The following LIN52 variants were observed in gnomAD, a reference collection of about 807,000 sequenced individuals.
LIN52 encodes lin-52 DREAM MuvB core complex component, also known as protein lin-52 homolog.
In LIN52, 4 loss-of-function variants were observed where a neutral mutation model predicts 18.5. That is an observed-to-expected ratio of 0.22 (90% CI 0.11 to 0.49). The LOEUF (loss-of-function observed/expected upper bound fraction) is 0.49. Among genes scored for constraint, LIN52 ranks in the 20% least tolerant of loss-of-function variants. The probability of loss-of-function intolerance (pLI) is 0.97; values close to 1 mark genes in which losing one functional copy is unlikely to be tolerated. For synonymous variants in LIN52, 34 were observed against 45.5 expected (o/e 0.75, Z 1.02); for missense variants, 102 against 139.5 (o/e 0.73, Z 1.35).
At chr14:74,187,502 G>C (rs1431415639) in intron 5 of LIN52, among the ~76,000 whole-genome samples, 1 of 152,088 alleles carries the variant, frequency 6.6e-6, no homozygotes, top group African/African-American at 2.4e-5. Flanking sequence ...GAAAATAGAG[G>C]AATATGCCTT....
chr14:74,139,580 T>C (rs936151187), intron 5 of LIN52, among the ~76,000 whole-genome samples: 4 of 152,142 alleles, frequency 2.6e-5, no homozygotes, highest in African/African-American at 7.2e-5. Context: ...AGTAAATAAA[T>C]ATTAGAAAAT....
At chr14:74,087,736 T>C (rs2060743852) in intron 1 of LIN52, among the ~76,000 whole-genome samples, 1 of 152,196 alleles carries the variant, frequency 6.6e-6, no homozygotes, top group African/African-American at 2.4e-5. Flanking sequence ...TACTCTTTTG[T>C]CTTTTTCGTG....
chr14:74,189,284 A>G (rs996264089), intron 5 of LIN52, among the ~76,000 whole-genome samples: 7 of 152,220 alleles, frequency 4.6e-5, no homozygotes, highest in African/African-American at 4.8e-5. Context: ...ATGTATTACT[A>G]TGTAAAGGCC....
intron 5 of LIN52, among the ~76,000 whole-genome samples, chr14:74,137,516 T>TTTTTTTTTTTTTTA (rs1332039327): frequency 6.9e-6 from 1 of 144,680 alleles, no homozygotes; most frequent in Non-Finnish European, 1.5e-5. Context: ...TTTTTTTTTT[T>TTTTTTTTTTTTTTA]GAGATGGAGT....
intron 5 of LIN52, among the ~76,000 whole-genome samples, chr14:74,187,093 T>C (rs1020255908): frequency 1.3e-5 from 2 of 152,128 alleles, no homozygotes; most frequent in East Asian, 3.9e-4. Flanking sequence ...GAAAAAAAAG[T>C]AAAAAAGAAG....
intron 5 of LIN52, among the ~76,000 whole-genome samples, chr14:74,122,589 G>T (rs1227050414): frequency 6.6e-6 from 1 of 152,156 alleles, no homozygotes; most frequent in Non-Finnish European, 1.5e-5. Context: ...TACCTGTCCG[G>T]GTGCAGTGGC....
chr14:74,156,717 A>T (rs540645847), intron 5 of LIN52, among the ~76,000 whole-genome samples: 1 of 152,318 alleles, frequency 6.6e-6, no homozygotes, highest in South Asian at 2.1e-4. Context: ...CAGTCACCTT[A>T]CAGTTGTAGA....
intron 5 of LIN52, among the ~76,000 whole-genome samples, chr14:74,124,984 C>G (rs769139963): frequency 6.6e-6 from 1 of 151,960 alleles, no homozygotes; most frequent in Admixed American, 6.6e-5. Flanking sequence ...AAAAGACAAC[C>G]AACAGAATGG....
intron 5 of LIN52, among the ~76,000 whole-genome samples, chr14:74,166,626 T>C (rs1379036986): frequency 1.3e-5 from 2 of 152,230 alleles, no homozygotes; most frequent in Non-Finnish European, 2.9e-5. Flanking sequence ...GAAGCAACTA[T>C]ATTTCTGTCT....
intron 5 of LIN52, among the ~76,000 whole-genome samples, chr14:74,151,779 T>C (rs980368505): frequency 2.6e-5 from 4 of 152,146 alleles, no homozygotes; most frequent in African/African-American, 9.7e-5. Context: ...AACTAATCAG[T>C]TGGAGTCAGA....
intron 5 of LIN52, among the ~76,000 whole-genome samples, chr14:74,175,396 G>A (rs1380610302): frequency 6.6e-6 from 1 of 151,672 alleles, no homozygotes; most frequent in African/African-American, 2.4e-5. Flanking sequence ...TCAGTGAGCT[G>A]AGGAGTTCAG....
At chr14:74,185,833 C>T (rs2061338760) in intron 5 of LIN52, among the ~76,000 whole-genome samples, 1 of 152,138 alleles carries the variant, frequency 6.6e-6, no homozygotes. Context: ...GATCATCCCT[C>T]TCCCTATTGA....
chr14:74,117,416 G>A (rs1456163118), intron 5 of LIN52, among the ~76,000 whole-genome samples: 1 of 151,998 alleles, frequency 6.6e-6, no homozygotes, highest in African/African-American at 2.4e-5. Flanking sequence ...TGGAATGTCT[G>A]TCAATCTTAA....
intron 5 of LIN52, among the ~76,000 whole-genome samples, chr14:74,184,105 T>C (rs1341365903): frequency 2.0e-5 from 3 of 152,110 alleles, no homozygotes; most frequent in Non-Finnish European, 4.4e-5. Context: ...ATTCCCCACA[T>C]TTTCTCACTC....
chr14:74,158,125 A>ATTTTT (rs60808992), intron 5 of LIN52, among the ~76,000 whole-genome samples: 48 of 147,768 alleles, frequency 3.2e-4, no homozygotes, highest in South Asian at 1.1e-3. Flanking sequence ...ATATATATAT[A>ATTTTT]TTTTTTTGAG....
intron 5 of LIN52, among the ~76,000 whole-genome samples, chr14:74,130,278 G>GTTTTTTTTTTTTTTTT (rs71460958): frequency 0.018 from 1,167 of 64,640 alleles, 188 homozygotes; most frequent in African/African-American, 0.053. Flanking sequence ...GCATTTTTTG[G>GTTTTTTTTTTTTTTTT]TTTTTTTTTT....
intron 5 of LIN52, among the ~76,000 whole-genome samples, chr14:74,190,243 T>C (rs1262780140): frequency 6.6e-6 from 1 of 152,144 alleles, no homozygotes; most frequent in Non-Finnish European, 1.5e-5. Context: ...AAAGATAATC[T>C]AGAAAGTGTG....
chr14:74,130,278 G>GTTTTTTTTTTTGTTTTTTTTTTTTT (rs2061055285), intron 5 of LIN52, among the ~76,000 whole-genome samples: 13 of 64,816 alleles, frequency 2.0e-4, no homozygotes, highest in East Asian at 1.4e-3. Flanking sequence ...GCATTTTTTG[G>GTTTTTTTTTTTGTTTTTTTTTTTTT]TTTTTTTTTT....
chr14:74,093,321 C>CTTTTTTT (rs1295151671), intron 2 of LIN52, among the ~76,000 whole-genome samples: 2 of 120,548 alleles, frequency 1.7e-5, no homozygotes, highest in Admixed American at 8.4e-5. Flanking sequence ...TTCAATCACT[C>CTTTTTTT]TTTTTTTTTT....
Sources: gnomAD v4.1 joint callset for allele counts (sites outside exome capture counted in the v4.1 genomes callset) on GRCh38, gnomAD v4.1.1 for gene constraint, MANE v1.5 for transcripts, NCBI Gene and HGNC (gene_info 2026-07-23, HGNC 2026-07-21) for gene names.